RNF24: variants seen among roughly 807,000 people sequenced by gnomAD.
RNF24 encodes ring finger protein 24.
Under a neutral mutation model 20.0 loss-of-function variants are expected in RNF24, and 14 were observed. That is an observed-to-expected ratio of 0.70 (90% CI 0.46 to 1.10). The LOEUF is 1.10. Among genes scored for constraint, RNF24 ranks in the 50% least tolerant of loss-of-function variants. The pLI, the probability that RNF24 is intolerant of heterozygous loss-of-function variation, is 0.00. For missense variants in RNF24, 124 were observed against 177.6 expected, an observed-to-expected ratio of 0.70 and a Z score of 1.71; for synonymous variants, 45 against 61.1, an observed-to-expected ratio of 0.74 and a Z score of 1.23.
chr20:4,010,200 C>T (rs1369307800), intron 1 of RNF24, among the ~76,000 whole-genome samples: 1 of 151,650 alleles, frequency 6.6e-6, no homozygotes, highest in African/African-American at 2.4e-5. Flanking sequence ...TAGTGAAACC[C>T]CGTCTCCACC....
At chr20:4,012,402 G>T (rs1302552959) in intron 1 of RNF24, among the ~76,000 whole-genome samples, 1 of 150,644 alleles carries the variant, frequency 6.6e-6, no homozygotes, top group Admixed American at 6.6e-5. Flanking sequence ...AGGGGACAGG[G>T]TGAGACTCCA....
At chr20:3,957,534 T>G (rs1309599933) in intron 2 of RNF24, among the ~76,000 whole-genome samples, 1 of 151,826 alleles carries the variant, frequency 6.6e-6, no homozygotes, top group East Asian at 1.9e-4. Flanking sequence ...AAATGAGGCT[T>G]TATTTGTTAA....
chr20:3,999,934 A>G (rs1354207883), intron 1 of RNF24, among the ~76,000 whole-genome samples: 1 of 152,226 alleles, frequency 6.6e-6, no homozygotes, highest in African/African-American at 2.4e-5. Context: ...TCCTATTTAT[A>G]TAAGAGGCCC....
chr20:3,940,002 A>T (rs1367706824), intron 4 of RNF24, among the ~76,000 whole-genome samples: 1 of 152,036 alleles, frequency 6.6e-6, no homozygotes, highest in East Asian at 1.9e-4. Flanking sequence ...TTTGTTGCCC[A>T]CACTGGAGTA....
At position 3,931,067 on chromosome 20, in the gene RNF24, A is replaced by G. The variant is rs1017569970; in HGVS notation, c.*2996T>C. The G allele has an allele frequency of 2.0e-5, 3 of 152,280 alleles. No homozygotes were observed. The highest frequency in any genetic ancestry group is 4.4e-5 in the Non-Finnish European group (3 of 68,074). 9.4% of individuals were successfully genotyped at this position (152,280 alleles called of 1,614,324 possible). A position where few individuals can be genotyped will look rare whatever the true frequency, so the allele number is the denominator to read the frequency against. On this transcript the variant is annotated 3_prime_UTR_variant, in exon 6 of 6. Transcript: ENST00000358395. ...TACTGACCCAACCAGGAATCAAGTC[A>G]GGCTGGTTTTGTTCCCTGTTTCTGA...
chr20:3,981,963 T>A (rs1244787124), intron 1 of RNF24, among the ~76,000 whole-genome samples: 2 of 151,438 alleles, frequency 1.3e-5, no homozygotes, highest in African/African-American at 2.4e-5. Context: ...ACGAAAAATA[T>A]AAAAATTAGC....
At position 3,931,463 on chromosome 20, in the gene RNF24, G is replaced by A. The variant is rs926379000; in HGVS notation, c.*2600C>T. 2.6e-5 allele frequency: 4 copies of A among 152,154 alleles called. No individual in the cohort carries two copies. The highest frequency in any genetic ancestry group is 5.9e-5 in the Non-Finnish European group (4 of 68,018). The allele number at this position is 152,154 out of a possible 1,614,324, so 9.4% of individuals were successfully genotyped here. A position where few individuals can be genotyped will look rare whatever the true frequency, so the allele number is the denominator to read the frequency against. ...GCGATTTTAATGAGAATTAAAGGAG[G>A]ATGTAAATTAAAAGGCCTGTTTGTC... On this transcript the variant is annotated 3_prime_UTR_variant, in exon 6 of 6. Transcript: ENST00000358395.
intron 1 of RNF24, among the ~76,000 whole-genome samples, chr20:4,014,079 C>CG (rs912563975): frequency 6.6e-5 from 10 of 152,190 alleles, no homozygotes; most frequent in African/African-American, 2.2e-4. Flanking sequence ...GAACCTACAG[C>CG]GCTTCCTTCT....
intron 1 of RNF24, among the ~76,000 whole-genome samples, chr20:4,000,992 C>T (rs143512438): frequency 0.011 from 1,641 of 152,090 alleles, 36 homozygotes; most frequent in African/African-American, 0.037. Flanking sequence ...TGTGGCCAGG[C>T]GCAGTGGCTC....
chr20:3,997,585 C>T (rs1980992089), intron 1 of RNF24, among the ~76,000 whole-genome samples: 1 of 150,336 alleles, frequency 6.7e-6, no homozygotes, highest in African/African-American at 2.4e-5. Flanking sequence ...TGCTACCACG[C>T]CCAGCTAATT....
In RNF24 at chr20:3,957,552, T is replaced by G. The variant is rs1410244838; in HGVS notation, c.143+6323A>C. On this transcript the variant is annotated intron_variant, in intron 2 of 5. Coordinates refer to ENST00000358395, the MANE Select transcript of RNF24 (RefSeq NM_001134337.3). The stretch of plus-strand genomic sequence containing the variant: ...TGAGGCTTTATTTGTTAATTCATTT[T>G]GCTTGTTTGAATCTTTTAATTAGAT... Among the ~76,000 whole-genome samples the G allele has an allele frequency of 2.0e-5, 3 of 152,078 alleles. No individual in the cohort carries two copies. The East Asian group carries it at 5.8e-4, about 29-fold the overall frequency.
At chr20:3,971,152 G>A (rs1978334858) in intron 1 of RNF24, among the ~76,000 whole-genome samples, 1 of 152,074 alleles carries the variant, frequency 6.6e-6, no homozygotes, top group African/African-American at 2.4e-5. Context: ...GATACCATTG[G>A]GGGAAATAAT....
At chr20:3,956,483 T>C (rs1029855981) in intron 2 of RNF24, among the ~76,000 whole-genome samples, 8 of 151,758 alleles carry the variant, frequency 5.3e-5, no homozygotes, top group Non-Finnish European at 1.2e-4. Flanking sequence ...ATAATGTATA[T>C]TTTCTTTCCT....
intron 1 of RNF24, among the ~76,000 whole-genome samples, chr20:3,973,522 A>G (rs1024035495): frequency 3.9e-5 from 5 of 126,678 alleles, no homozygotes; most frequent in Non-Finnish European, 8.8e-5. Flanking sequence ...AAAAAAAAAA[A>G]AAAGAGAAGA....
chr20:3,986,287 C>T (rs1979897607), intron 1 of RNF24, among the ~76,000 whole-genome samples: 1 of 151,998 alleles, frequency 6.6e-6, no homozygotes, highest in Non-Finnish European at 1.5e-5. Flanking sequence ...CCTCCTCACT[C>T]TGTCGCTTGG....
intron 1 of RNF24, among the ~76,000 whole-genome samples, chr20:3,989,949 C>A (rs1255139843): frequency 1.3e-5 from 2 of 152,138 alleles, no homozygotes; most frequent in African/African-American, 4.8e-5. Flanking sequence ...CTAGCCTACG[C>A]TGGCAGATAC....
At chr20:3,960,819 T>C (rs114891724) in intron 2 of RNF24, among the ~76,000 whole-genome samples, 1 of 152,190 alleles carries the variant, frequency 6.6e-6, no homozygotes, top group Admixed American at 6.5e-5. Context: ...TTAAATTTTT[T>C]AATTTTTATT....
chr20:3,940,073 C>T (rs1450872954), intron 4 of RNF24, among the ~76,000 whole-genome samples: 2 of 152,094 alleles, frequency 1.3e-5, no homozygotes, highest in African/African-American at 4.8e-5. Flanking sequence ...ATCCTCCTGC[C>T]TCAGCCTCCT....
At chr20:3,983,568 CAAA>C (rs1241676815) in intron 1 of RNF24, among the ~76,000 whole-genome samples, 1 of 152,078 alleles carries the variant, frequency 6.6e-6, no homozygotes, top group Admixed American at 6.6e-5. Context: ...AAACTAGCTG[CAAA>C]ATATACACTA....
Sources: gnomAD v4.1 joint callset for allele counts (sites outside exome capture counted in the v4.1 genomes callset) on GRCh38, gnomAD v4.1.1 for gene constraint, MANE v1.5 for transcripts, NCBI Gene and HGNC (gene_info 2026-07-23, HGNC 2026-07-21) for gene names.